The following PLPPR5 variants were observed in gnomAD, a reference collection of about 807,000 sequenced individuals.
PLPPR5 encodes phospholipid phosphatase-related protein type 5.
A neutral mutation model predicts 33.9 loss-of-function variants in PLPPR5; 16 were observed. That is an observed-to-expected ratio of 0.47 (90% CI 0.32 to 0.72). The LOEUF is 0.72. Ranked by LOEUF, PLPPR5 falls within the 30% of genes least tolerant of loss-of-function variation. The pLI is 0.03. For missense variants in PLPPR5, 301 were observed against 406.7 expected, an observed-to-expected ratio of 0.74 and a Z score of 2.23; for synonymous variants, 163 against 150.3, an observed-to-expected ratio of 1.08 and a Z score of -0.62.
intron 1 of PLPPR5, among the ~76,000 whole-genome samples, chr1:98,994,417 T>C (rs1652564511): frequency 6.6e-6 from 1 of 152,024 alleles, no homozygotes; most frequent in Non-Finnish European, 1.5e-5. Context: ...ACTTGAAAAA[T>C]TCAATAGACT....
chr1:99,000,271 C>A (rs1652783436), intron 1 of PLPPR5, among the ~76,000 whole-genome samples: 1 of 152,222 alleles, frequency 6.6e-6, no homozygotes, highest in Admixed American at 6.5e-5. Context: ...TAATATTAGA[C>A]AATGCAAAAT....
At chr1:98,922,444 GAAGTGTTT>G (rs1425286393) in intron 3 of PLPPR5, among the ~76,000 whole-genome samples, 1 of 152,068 alleles carries the variant, frequency 6.6e-6, no homozygotes, top group Non-Finnish European at 1.5e-5. Flanking sequence ...GGAAGCTGTT[GAAGTGTTT>G]AAGTGTTTTT....
chr1:98,914,989 G>T, intron 4 of PLPPR5, 69 bp from the exon 5 acceptor site: 1 of 1,411,256 alleles, frequency 7.1e-7, no homozygotes, highest in Non-Finnish European at 9.7e-7. Context: ...CTTTTGAGGA[G>T]CTTAATAAAG....
chr1:98,913,533 C>T (rs1488717765), intron 5 of PLPPR5, among the ~76,000 whole-genome samples: 1 of 152,154 alleles, frequency 6.6e-6, no homozygotes, highest in Non-Finnish European at 1.5e-5. Flanking sequence ...TGCAATTAAC[C>T]TGGATGTACC....
intron 3 of PLPPR5, among the ~76,000 whole-genome samples, chr1:98,925,589 T>C (rs914837222): frequency 6.6e-6 from 1 of 152,240 alleles, no homozygotes; most frequent in Non-Finnish European, 1.5e-5. Flanking sequence ...TAGTCTGTAA[T>C]ATGCATTGAC....
rs59686592 is a variant in PLPPR5, at chr1:99,003,056, CATATATATATATATATAT to C, written c.237+1361_237+1378del. On this transcript the variant is annotated intron_variant, in intron 1 of 5. Transcript: ENST00000263177. ...TAACACATTTTAGCAACTTATTTTA[CATATATATATATATATAT>C]ATATATATATATATATATATATGTA... Among the ~76,000 whole-genome samples the C allele has an allele frequency of 2.3e-3, 189 of 81,120 alleles. 1 individual carries two copies. The highest frequency in any genetic ancestry group is 0.011 in the Middle Eastern group (1 of 92). 53.2% of individuals were successfully genotyped at this position (81,120 alleles called of 152,430 possible). A position where few individuals can be genotyped will look rare whatever the true frequency, so the allele number is the denominator to read the frequency against.
chr1:98,952,065 C>G (rs996173580), intron 3 of PLPPR5, among the ~76,000 whole-genome samples: 1 of 152,040 alleles, frequency 6.6e-6, no homozygotes, highest in Non-Finnish European at 1.5e-5. Flanking sequence ...AAGTTTGAGG[C>G]CAGCCTGGCC....
intron 1 of PLPPR5, among the ~76,000 whole-genome samples, chr1:98,998,288 C>G (rs1435038798): frequency 6.6e-6 from 1 of 152,144 alleles, no homozygotes; most frequent in Admixed American, 6.5e-5. Context: ...ACCTCCACCT[C>G]TCCATATACC....
intron 3 of PLPPR5, among the ~76,000 whole-genome samples, chr1:98,938,164 A>G (rs1047810209): frequency 6.6e-6 from 1 of 152,190 alleles, no homozygotes; most frequent in Non-Finnish European, 1.5e-5. Context: ...GAAAAAGGAA[A>G]AAAAAAGACA....
chr1:98,911,395 T>C (rs913349740), intron 5 of PLPPR5, among the ~76,000 whole-genome samples: 5 of 152,208 alleles, frequency 3.3e-5, no homozygotes, highest in Admixed American at 1.3e-4. Flanking sequence ...TAACCTAATA[T>C]GTACATGAAT....
chr1:98,940,429 G>A (rs1245319361), intron 3 of PLPPR5, among the ~76,000 whole-genome samples: 1 of 151,880 alleles, frequency 6.6e-6, no homozygotes, highest in Non-Finnish European at 1.5e-5. Context: ...TCACTTAGGG[G>A]TTAGGGCTTC....
intron 1 of PLPPR5, among the ~76,000 whole-genome samples, chr1:99,001,237 C>T (rs1421499640): frequency 2.6e-5 from 4 of 151,516 alleles, no homozygotes; most frequent in Admixed American, 2.6e-4. Context: ...TGGGTTCACG[C>T]CATTCTCCTG....
chr1:98,913,537 A>T (rs890468307), intron 5 of PLPPR5, among the ~76,000 whole-genome samples: 1 of 152,178 alleles, frequency 6.6e-6, no homozygotes, highest in Non-Finnish European at 1.5e-5. Flanking sequence ...ATTAACCTGG[A>T]TGTACCCTAC....
intron 3 of PLPPR5, among the ~76,000 whole-genome samples, chr1:98,936,545 G>A (rs1238877628): frequency 6.6e-6 from 1 of 152,200 alleles, no homozygotes; most frequent in Non-Finnish European, 1.5e-5. Context: ...TCCCCTTCAG[G>A]CAGTATCTCC....
At chr1:98,917,790 T>C (rs531314998) in intron 4 of PLPPR5, among the ~76,000 whole-genome samples, 2 of 152,336 alleles carry the variant, frequency 1.3e-5, no homozygotes, top group Non-Finnish European at 2.9e-5. Context: ...TTAAACATCA[T>C]TTAAAGTAAT....
At chr1:98,903,798 T>G (rs777127811) in intron 5 of PLPPR5, among the ~76,000 whole-genome samples, 17 of 152,148 alleles carry the variant, frequency 1.1e-4, no homozygotes, top group Non-Finnish European at 2.2e-4. Context: ...AGGAGAGAAG[T>G]GATTTGTCTA....
intron 3 of PLPPR5, among the ~76,000 whole-genome samples, chr1:98,935,532 A>T (rs1650143194): frequency 6.6e-6 from 1 of 152,212 alleles, no homozygotes; most frequent in Admixed American, 6.5e-5. Context: ...GAAAGTACCC[A>T]ATAAGAAAAC....
chr1:98,953,449 T>C, intron 2 of PLPPR5, 129 bp from the exon 3 acceptor site: 1 of 1,331,232 alleles, frequency 7.5e-7, no homozygotes, highest in Non-Finnish European at 1.0e-6. Context: ...TATAAAATAT[T>C]CCATGCATAT....
chr1:98,951,258 G>A (rs72730356), intron 3 of PLPPR5, among the ~76,000 whole-genome samples: 12,964 of 152,174 alleles, frequency 0.085, 598 homozygotes, highest in African/African-American at 0.11. Flanking sequence ...TAGTAGAGGT[G>A]AAACATGTAG....
Sources: gnomAD v4.1 joint callset for allele counts (sites outside exome capture counted in the v4.1 genomes callset) on GRCh38, gnomAD v4.1.1 for gene constraint, MANE v1.5 for transcripts, NCBI Gene and HGNC (gene_info 2026-07-23, HGNC 2026-07-21) for gene names.